The following HCN1 variants were observed in gnomAD, a reference collection of about 807,000 sequenced individuals.
HCN1 encodes hyperpolarization activated cyclic nucleotide gated potassium channel 1.
A neutral mutation model predicts 78.9 loss-of-function variants in HCN1; 13 were observed. The ratio of observed to expected loss-of-function variants is 0.16; its 90% CI spans 0.11 to 0.26. The LOEUF is 0.26. Among genes scored for constraint, HCN1 ranks in the 10% least tolerant of loss-of-function variants. The pLI is 1.00. For synonymous variants in HCN1, 552 were observed against 455.5 expected (o/e 1.21, Z -2.70); for missense variants, 810 against 1,154.3 (o/e 0.70, Z 4.32).
At chr5:45,637,287 A>G (rs1745373815) in intron 2 of HCN1, among the ~76,000 whole-genome samples, 1 of 152,130 alleles carries the variant, frequency 6.6e-6, no homozygotes, top group South Asian at 2.1e-4. Flanking sequence ...TGTTTACACT[A>G]TAAATGCTTG....
At chr5:45,457,901 G>A (rs965659590) in intron 3 of HCN1, among the ~76,000 whole-genome samples, 1 of 152,096 alleles carries the variant, frequency 6.6e-6, no homozygotes, top group African/African-American at 2.4e-5. Flanking sequence ...ACTAGACTTT[G>A]CATCCCAACA....
Position 45,261,879 on chromosome 5 carries a change from G to A in HCN1, c.*42C>T, listed in dbSNP as rs1485670878. The stretch of plus-strand genomic sequence containing the variant: ...AAAATAAGATCTGAGTATAGTCTCA[G>A]TTTATGAGAGTATTTCTTTCTGCTT... On this transcript the variant is annotated 3_prime_UTR_variant, in exon 8 of 8. Transcript: ENST00000303230. 1 of 1,610,604 alleles carries A rather than the reference G, an allele frequency of 6.2e-7. No individual in the cohort carries two copies. The highest frequency in any genetic ancestry group is 8.5e-7 in the Non-Finnish European group (1 of 1,177,528).
intron 3 of HCN1, among the ~76,000 whole-genome samples, chr5:45,406,092 T>A (rs967558080): frequency 2.0e-5 from 3 of 152,286 alleles, no homozygotes; most frequent in Admixed American, 2.0e-4. Context: ...TATTTTAAAT[T>A]TGACTTGTTC....
intron 2 of HCN1, among the ~76,000 whole-genome samples, chr5:45,633,375 T>C (rs1023592706): frequency 1.3e-5 from 2 of 151,956 alleles, no homozygotes; most frequent in African/African-American, 2.4e-5. Context: ...TTTATTTCAA[T>C]TGACTAATCA....
chr5:45,601,450 C>T (rs1744623187), intron 2 of HCN1, among the ~76,000 whole-genome samples: 1 of 152,050 alleles, frequency 6.6e-6, no homozygotes, highest in South Asian at 2.1e-4. Flanking sequence ...GTGTTTCTCA[C>T]CTGTAAAATC....
intron 2 of HCN1, among the ~76,000 whole-genome samples, chr5:45,495,891 G>A (rs1742015871): frequency 6.6e-6 from 1 of 152,172 alleles, no homozygotes. Flanking sequence ...CTGTTTATAT[G>A]CTGGATTACA....
At chr5:45,422,124 A>C (rs1740241501) in intron 3 of HCN1, among the ~76,000 whole-genome samples, 1 of 152,214 alleles carries the variant, frequency 6.6e-6, no homozygotes, top group Non-Finnish European at 1.5e-5. Context: ...ATAAAAACAC[A>C]GAGATGACAA....
intron 3 of HCN1, among the ~76,000 whole-genome samples, chr5:45,447,910 G>A (rs1740833574): frequency 6.6e-6 from 1 of 151,474 alleles, no homozygotes; most frequent in Admixed American, 6.6e-5. Flanking sequence ...GACAGAGAAA[G>A]AAAGGCTAAT....
In HCN1 at chr5:45,656,515, C is replaced by T. The variant is rs137894058; in HGVS notation, c.426-10907G>A. ...AGTCCATGGGTTGCCAGGAGGAATA[C>T]CAAGAGAACTAGAAACAAGGTGGAG... is the stretch of plus-strand genomic sequence containing the variant. On this transcript the variant is annotated intron_variant, in intron 1 of 7. Coordinates refer to ENST00000303230, the MANE Select transcript of HCN1 (RefSeq NM_021072.4). 3.4e-4 allele frequency among the ~76,000 whole-genome samples: 51 copies of T among 152,176 alleles called. 1 individual carries two copies. The East Asian group carries it at 7.7e-3, about 23-fold the overall frequency.
intron 2 of HCN1, among the ~76,000 whole-genome samples, chr5:45,593,668 T>TATTATC (rs397967570): frequency 6.7e-6 from 1 of 149,970 alleles, no homozygotes; most frequent in African/African-American, 2.4e-5. Context: ...TTATTATTAT[T>TATTATC]GAATTTTATT....
chr5:45,496,006 T>C (rs1287628569), intron 2 of HCN1, among the ~76,000 whole-genome samples: 12 of 152,206 alleles, frequency 7.9e-5, no homozygotes, highest in Non-Finnish European at 1.8e-4. Flanking sequence ...GGTTTGCTAG[T>C]ATTTTACTGA....
At chr5:45,269,797 C>A (rs184563043) in intron 6 of HCN1, among the ~76,000 whole-genome samples, 6 of 152,116 alleles carry the variant, frequency 3.9e-5, no homozygotes, top group African/African-American at 1.4e-4. Flanking sequence ...ATAAGTCACC[C>A]GCTTTCTGTT....
rs182785813 is a variant in HCN1 at position 45,291,155 on chromosome 5, A to C, written c.1618+12444T>G. On this transcript the variant is annotated intron_variant, in intron 6 of 7. Coordinates refer to ENST00000303230, the MANE Select transcript of HCN1 (RefSeq NM_021072.4). ...TTAACTAATTCCAAAACCTCTATAC[A>C]GATCATTTCTTCTATTTCCAGCTTA... Among the ~76,000 whole-genome samples the C allele has an allele frequency of 3.3e-5, 5 of 152,098 alleles. No homozygotes were observed. The East Asian group carries it at 9.7e-4, about 30-fold the overall frequency.
At chr5:45,305,597 T>C (rs1579795615) in intron 5 of HCN1, among the ~76,000 whole-genome samples, 2 of 151,436 alleles carry the variant, frequency 1.3e-5, no homozygotes, top group African/African-American at 4.9e-5. Context: ...TGTGGGTCTA[T>C]AACAATGTTC....
intron 3 of HCN1, among the ~76,000 whole-genome samples, chr5:45,399,367 C>A (rs1739749519): frequency 1.3e-5 from 2 of 152,206 alleles, no homozygotes; most frequent in Admixed American, 6.6e-5. Context: ...CATGTTCACA[C>A]CCTGTTGTCC....
chr5:45,441,209 GTTTAA>G (rs1740671794), intron 3 of HCN1, among the ~76,000 whole-genome samples: 1 of 152,040 alleles, frequency 6.6e-6, no homozygotes. Context: ...TTTTATAGCT[GTTTAA>G]TTTGTTTATG....
At chr5:45,579,155 C>T (rs1026614683) in intron 2 of HCN1, among the ~76,000 whole-genome samples, 6 of 151,894 alleles carry the variant, frequency 4.0e-5, no homozygotes, top group East Asian at 3.9e-4. Context: ...ATGTAAGGCA[C>T]GAAGCTACAG....
intron 3 of HCN1, among the ~76,000 whole-genome samples, chr5:45,415,365 A>G (rs979834709): frequency 2.0e-5 from 3 of 152,000 alleles, no homozygotes; most frequent in Non-Finnish European, 4.4e-5. Context: ...CATAGCTTCA[A>G]GAGTAAGTTG....
At chr5:45,540,326 ATT>A (rs34797116) in intron 2 of HCN1, among the ~76,000 whole-genome samples, 202 of 143,662 alleles carry the variant, frequency 1.4e-3, no homozygotes, top group Middle Eastern at 7.2e-3. Flanking sequence ...TATTTTACTG[ATT>A]TTTTTTTTTT....
Sources: allele counts gnomAD v4.1 joint callset (sites outside exome capture counted in the v4.1 genomes callset), GRCh38; gene constraint gnomAD v4.1.1; transcripts MANE v1.5; gene names NCBI Gene and HGNC (gene_info 2026-07-23, HGNC 2026-07-21).